DNAH8: variants seen among roughly 807,000 people sequenced by gnomAD.
The protein encoded by DNAH8 is axonemal beta dynein heavy chain 8.
A neutral mutation model predicts 562.1 loss-of-function variants in DNAH8; 382 were observed. The observed-to-expected ratio is 0.68, with a 90% CI of 0.63 to 0.74. DNAH8 has a LOEUF of 0.74. Ranked by LOEUF, DNAH8 falls within the 30% of genes least tolerant of loss-of-function variation. The probability of loss-of-function intolerance (pLI) is 0.00; values close to 1 mark genes in which losing one functional copy is unlikely to be tolerated. For synonymous variants in DNAH8, 1,881 were observed against 1,919.4 expected, an observed-to-expected ratio of 0.98 and a Z score of 0.52; for missense variants, 5,203 against 5,620.4, an observed-to-expected ratio of 0.93 and a Z score of 2.37.
At chr6:38,991,970 CTTT>C (rs35933572) in intron 88 of DNAH8, among the ~76,000 whole-genome samples, 2 of 147,850 alleles carry the variant, frequency 1.4e-5, no homozygotes, top group Admixed American at 6.7e-5. Flanking sequence ...ATACTCTACA[CTTT>C]TTTTTTTTTG....
intron 11 of DNAH8, among the ~76,000 whole-genome samples, chr6:38,762,623 GT>G (rs1766627847): frequency 1.3e-5 from 2 of 152,194 alleles, no homozygotes; most frequent in Non-Finnish European, 2.9e-5. Flanking sequence ...TTCTGAAAAA[GT>G]TTGTATAAAA....
At position 38,783,174 on chromosome 6, in the gene DNAH8, G is replaced by A. The variant is rs1387312006; in HGVS notation, c.2395+35G>A. The A allele has an allele frequency of 3.7e-6, 6 of 1,603,126 alleles. No individual in the cohort carries two copies. In the East Asian group the frequency reaches 6.7e-5, roughly 18 times the overall value. The stretch of plus-strand genomic sequence containing the variant: ...ACACTGCCATGAGCCTACAAAGTAG[G>A]GATTAGGTGATTTTGAATGAGTTCA... On this transcript the variant is annotated intron_variant, in intron 17 of 92. Coordinates refer to ENST00000327475, the MANE Select transcript of DNAH8 (RefSeq NM_001206927.2).
intron 8 of DNAH8, among the ~76,000 whole-genome samples, chr6:38,744,871 TACAG>T (rs1764802643): frequency 6.6e-6 from 1 of 152,220 alleles, no homozygotes. Flanking sequence ...GTGTTGGGAT[TACAG>T]ACGTGAGCCA....
intron 12 of DNAH8, among the ~76,000 whole-genome samples, chr6:38,771,532 T>C (rs1344546204): frequency 6.6e-6 from 1 of 152,166 alleles, no homozygotes; most frequent in Non-Finnish European, 1.5e-5. Flanking sequence ...CTTATGTCCA[T>C]TATCAGTCAC....
chr6:39,014,647 G>A (rs533819372), intron 91 of DNAH8, among the ~76,000 whole-genome samples: 61 of 152,328 alleles, frequency 4.0e-4, no homozygotes, highest in African/African-American at 1.4e-3. Context: ...CACACAGGAA[G>A]CAGTGAGTAG....
At chr6:39,022,143 G>A (rs112426442) in intron 91 of DNAH8, among the ~76,000 whole-genome samples, 1 of 152,282 alleles carries the variant, frequency 6.6e-6, no homozygotes, top group African/African-American at 2.4e-5. Flanking sequence ...GAGGCTGGAG[G>A]GGAGATGAAA....
At chr6:39,013,645 A>G (rs1025535333) in intron 91 of DNAH8, among the ~76,000 whole-genome samples, 2 of 152,210 alleles carry the variant, frequency 1.3e-5, no homozygotes, top group African/African-American at 4.8e-5. Context: ...TGAGCCCAAG[A>G]GTTTAAGACC....
At position 38,852,690 on chromosome 6, in the gene DNAH8, A is replaced by G; in HGVS notation, c.5467-4A>G. Reference sequence around the variant, plus strand: ...CATGTGTGACGTTTTCCTCTGTCTTACAGCCGCATCTCCCTGCAGTATCTG... The same window carrying G: ...CATGTGTGACGTTTTCCTCTGTCTTGCAGCCGCATCTCCCTGCAGTATCTG... On this transcript the variant is annotated splice_region_variant and splice_polypyrimidine_tract_variant and intron_variant, in intron 39 of 92. Transcript: ENST00000327475. 1 of 1,609,952 alleles carries G rather than the reference A, an allele frequency of 6.2e-7. No homozygotes were observed. Among genetic ancestry groups the G allele is most frequent in the Non-Finnish European group, 8.5e-7 (1 of 1,177,308 alleles).
intron 21 of DNAH8, among the ~76,000 whole-genome samples, chr6:38,798,466 A>G (rs1030267087): frequency 2.0e-5 from 3 of 152,170 alleles, no homozygotes; most frequent in East Asian, 1.9e-4. Context: ...TGGAGTCCTT[A>G]TTAGGACAGG....
At chr6:38,997,130 TC>T (rs1202046493) in intron 88 of DNAH8, among the ~76,000 whole-genome samples, 1 of 152,208 alleles carries the variant, frequency 6.6e-6, no homozygotes, top group Non-Finnish European at 1.5e-5. Flanking sequence ...CATTTCTGGT[TC>T]CTGCTCAGGT....
At chr6:38,855,679 T>C (rs975411460) in intron 41 of DNAH8, among the ~76,000 whole-genome samples, 1 of 152,182 alleles carries the variant, frequency 6.6e-6, no homozygotes, top group African/African-American at 2.4e-5. Context: ...TTTGAAACTA[T>C]AGGTTATTCT....
At chr6:38,876,644 G>A (rs1437790714) in intron 53 of DNAH8, among the ~76,000 whole-genome samples, 2 of 152,156 alleles carry the variant, frequency 1.3e-5, no homozygotes, top group Non-Finnish European at 2.9e-5. Context: ...TCAGGAAGTG[G>A]AAACTGGGGC....
intron 17 of DNAH8, among the ~76,000 whole-genome samples, chr6:38,785,591 C>T (rs11970287): frequency 2.0e-5 from 3 of 152,008 alleles, no homozygotes; most frequent in Non-Finnish European, 4.4e-5. Context: ...TTTTAAGCCC[C>T]GCATGCATTA....
At position 38,737,223 on chromosome 6, in the gene DNAH8, G is replaced by T; in HGVS notation, c.919G>T (p.Glu307Ter). ...AGAATCTGAAAAACATATTTTCACT[G>T]AAACCATCAACAGATATCTTTCATT... ...QGESEKHIFT[E>*]TINRYLSFLD... Residue 307 changes from glutamate (E) to a stop codon, truncating the protein, a stop_gained, in exon 6 of 93, where the codon GAA (glutamate) becomes TAA (stop). Transcript: ENST00000327475. LOFTEE classifies it high-confidence loss of function. The T allele has an allele frequency of 6.7e-7, 1 of 1,502,936 alleles. No homozygotes were observed. Among genetic ancestry groups the T allele is most frequent in the Non-Finnish European group, 8.9e-7 (1 of 1,123,284 alleles). 93.1% of individuals were successfully genotyped at this position (1,502,936 alleles called of 1,614,324 possible).
intron 43 of DNAH8, 59 bp from the exon 44 acceptor site, chr6:38,862,221 C>T (rs896861922): frequency 2.8e-5 from 41 of 1,486,506 alleles, no homozygotes; most frequent in Middle Eastern, 1.8e-4. Flanking sequence ...TTTTTGCTTG[C>T]GCCATCCTGT....
At chr6:38,972,431 A>G (rs1763409926) in intron 83 of DNAH8, among the ~76,000 whole-genome samples, 1 of 152,190 alleles carries the variant, frequency 6.6e-6, no homozygotes, top group African/African-American at 2.4e-5. Context: ...CTCAATCTTT[A>G]TCACTTAATT....
At chr6:38,769,952 A>G (rs1767400884) in intron 11 of DNAH8, among the ~76,000 whole-genome samples, 1 of 152,208 alleles carries the variant, frequency 6.6e-6, no homozygotes, top group South Asian at 2.1e-4. Context: ...CACAAACCAG[A>G]CCAGTATATC....
intron 12 of DNAH8, among the ~76,000 whole-genome samples, chr6:38,773,646 A>T (rs1767789395): frequency 6.6e-6 from 1 of 152,120 alleles, no homozygotes. Context: ...CATCTTTCCC[A>T]TTGGATAATT....
chr6:38,768,377 C>T (rs928161776), intron 11 of DNAH8, among the ~76,000 whole-genome samples: 1 of 152,070 alleles, frequency 6.6e-6, no homozygotes, highest in African/African-American at 2.4e-5. Context: ...AAGGGCTCCT[C>T]CTACCTCTGC....
Sources: allele counts gnomAD v4.1 joint callset (sites outside exome capture counted in the v4.1 genomes callset), GRCh38; gene constraint gnomAD v4.1.1; transcripts MANE v1.5; gene names NCBI Gene and HGNC (gene_info 2026-07-23, HGNC 2026-07-21).